The following FAM131B variants were observed in gnomAD, a reference collection of about 807,000 sequenced individuals.
The protein encoded by FAM131B is family with sequence similarity 131 member B.
FAM131B carries 19 observed loss-of-function variants against 42.0 expected under a neutral mutation model. The ratio of observed to expected loss-of-function variants is 0.45; its 90% CI spans 0.32 to 0.66. The LOEUF is 0.66. Among genes scored for constraint, FAM131B ranks in the 30% least tolerant of loss-of-function variants. FAM131B has a pLI of 0.05. For synonymous variants in FAM131B, 183 were observed against 177.6 expected, an observed-to-expected ratio of 1.03 and a Z score of -0.24; for missense variants, 370 against 468.4, an observed-to-expected ratio of 0.79 and a Z score of 1.94.
chr7:143,354,319 G>A lies in FAM131B; in HGVS notation c.*2231C>T, dbSNP rs1482793829. ...GGAAAGGGAAGGAGGAACGAAAGCT[G>A]CTGTGGTCTACCTTTCCTAACTCCC... On this transcript the variant is annotated 3_prime_UTR_variant, in exon 7 of 7. Coordinates refer to ENST00000443739, the MANE Select transcript of FAM131B (RefSeq NM_001031690.3). The A allele has an allele frequency of 6.6e-6, 1 of 152,256 alleles. No individual in the cohort carries two copies. Among genetic ancestry groups the A allele is most frequent in the Non-Finnish European group, 1.5e-5 (1 of 68,074 alleles). The allele number at this position is 152,256 out of a possible 1,614,324, so 9.4% of individuals were successfully genotyped here. A position where few individuals can be genotyped will look rare whatever the true frequency, so the allele number is the denominator to read the frequency against.
rs1426287113 is a variant in FAM131B, at chr7:143,353,891, C to T, written c.*2659G>A. ...CACCCCCCCTCCAAAAAAAGAAAAT[C>T]ATTTAGCAAGAGCAGTTTCATTCAC... On this transcript the variant is annotated 3_prime_UTR_variant, in exon 7 of 7. Coordinates refer to ENST00000443739, the MANE Select transcript of FAM131B (RefSeq NM_001031690.3). 1 of 148,390 alleles carries T rather than the reference C, an allele frequency of 6.7e-6. No individual in the cohort carries two copies. Among genetic ancestry groups the T allele is most frequent in the Non-Finnish European group, 1.5e-5 (1 of 67,170 alleles). The allele number at this position is 148,390 out of a possible 1,614,324, so 9.2% of individuals were successfully genotyped here.
At chr7:143,370,991 A>G in the FAM131B span, among the ~76,000 whole-genome samples, 2 of 152,142 alleles carry the variant, frequency 1.3e-5, no homozygotes, top group African/African-American at 4.8e-5. Context: ...TGAGGGACTC[A>G]TGGTTACTCC....
At position 143,356,192 on chromosome 7, in the gene FAM131B, G is replaced by A. The variant is rs933788313; in HGVS notation, c.*358C>T. 9.7e-5 allele frequency: 24 copies of A among 247,746 alleles called. No individual in the cohort carries two copies. Among genetic ancestry groups the A allele is most frequent in the East Asian group, 2.5e-4 (3 of 12,172 alleles). The allele number at this position is 247,746 out of a possible 1,614,324, so 15.3% of individuals were successfully genotyped here. ...AGCTCCTGGAAGACGAAATCGGGGC[G>A]TGAAGAACTGAGATCCAGTCTTGAG... is the stretch of plus-strand genomic sequence containing the variant. On this transcript the variant is annotated 3_prime_UTR_variant, in exon 7 of 7. Transcript: ENST00000443739. This position sits in a 1 kb window ranked among gnomAD's most constrained non-coding sequence, Gnocchi z 4.4.
chr7:143,382,137 T>C, the FAM131B span: 2 of 946,274 alleles, frequency 2.1e-6, no homozygotes, highest in African/African-American at 3.3e-5. Flanking sequence ...CCCCACACGC[T>C]CTGGGACCCC....
chr7:143,367,063 G>A (rs1804196847), upstream of FAM131B, among the ~76,000 whole-genome samples: 1 of 152,144 alleles, frequency 6.6e-6, no homozygotes, highest in Non-Finnish European at 1.5e-5. Context: ...CATAGAATCT[G>A]TCCTAGTGGT....
chr7:143,381,689 C>T, the FAM131B span: 2 of 1,608,348 alleles, frequency 1.2e-6, no homozygotes, highest in South Asian at 1.1e-5. Flanking sequence ...GAATCCCTTC[C>T]GGCCCGGGGA....
the FAM131B span, among the ~76,000 whole-genome samples, chr7:143,379,435 G>C: frequency 1.3e-5 from 2 of 152,214 alleles, no homozygotes; most frequent in African/African-American, 4.8e-5. Context: ...AATACTGGTG[G>C]TGACAAAGAC....
chr7:143,358,677 T>G lies in FAM131B; in HGVS notation c.466+150A>C, dbSNP rs1563095940. On this transcript the variant is annotated intron_variant, in intron 5 of 6. Transcript: ENST00000443739. The surrounding 1 kb of genome is among the most constrained non-coding windows in gnomAD (Gnocchi z 4.7). Reference sequence around the variant, plus strand: ...TATGTTTGAGGGCACTTATTTGAATTACCACATCAAAATACTTAGAGCTGT... The same window carrying G: ...TATGTTTGAGGGCACTTATTTGAATGACCACATCAAAATACTTAGAGCTGT... 1 of 628,468 alleles carries G rather than the reference T, an allele frequency of 1.6e-6. No individual in the cohort carries two copies. Among genetic ancestry groups the G allele is most frequent in the Non-Finnish European group, 2.8e-6 (1 of 356,286 alleles). 38.9% of individuals were successfully genotyped at this position (628,468 alleles called of 1,614,324 possible).
At position 143,358,392 on chromosome 7, in the gene FAM131B, A is replaced by G. The variant is rs1485568213; in HGVS notation, c.466+435T>C. ...TCTGTAGGCCTCCCGTCTCTCACACAGTTCCCTTAATCTTCTAGTGGTTGT... is the reference window on the plus strand; with the variant it reads ...TCTGTAGGCCTCCCGTCTCTCACACGGTTCCCTTAATCTTCTAGTGGTTGT... On this transcript the variant is annotated intron_variant, in intron 5 of 6. Coordinates refer to ENST00000443739, the MANE Select transcript of FAM131B (RefSeq NM_001031690.3). This position sits in a 1 kb window ranked among gnomAD's most constrained non-coding sequence, Gnocchi z 4.7. Among the ~76,000 whole-genome samples, 1 of 152,194 alleles carries G rather than the reference A, an allele frequency of 6.6e-6. No individual in the cohort carries two copies. The highest frequency in any genetic ancestry group is 1.9e-4 in the East Asian group (1 of 5,192).
At chr7:143,380,778 C>T in the FAM131B span, 5 of 985,208 alleles carry the variant, frequency 5.1e-6, no homozygotes, top group African/African-American at 5.2e-5. The surrounding 1 kb of genome is among the most constrained non-coding windows in gnomAD (Gnocchi z 5.0). Context: ...CTCCTCACCC[C>T]CCATCCCCGT....
chr7:143,359,954 C>A lies in FAM131B; in HGVS notation c.138+86G>T. 9.3e-7 allele frequency: 1 copy of A among 1,079,338 alleles called. No individual in the cohort carries two copies. Among genetic ancestry groups the A allele is most frequent in the South Asian group, 1.3e-5 (1 of 75,642 alleles). The allele number at this position is 1,079,338 out of a possible 1,614,324, so 66.9% of individuals were successfully genotyped here. A position where few individuals can be genotyped will look rare whatever the true frequency, so the allele number is the denominator to read the frequency against. On this transcript the variant is annotated intron_variant, in intron 2 of 6. Transcript: ENST00000443739. This position sits in a 1 kb window ranked among gnomAD's most constrained non-coding sequence, Gnocchi z 5.4. ...TGTGAGAAATGTTCTGTAGAAGTGT[C>A]AGTCTGAAGGAGTGTTTGGGTTGTT... is the stretch of plus-strand genomic sequence containing the variant.
chr7:143,359,375 T>G lies in FAM131B; in HGVS notation c.219A>C (p.Arg73=), dbSNP rs1198582376. 21 of 1,613,916 alleles carry G rather than the reference T, an allele frequency of 1.3e-5. No individual in the cohort carries two copies. The highest frequency in any genetic ancestry group is 1.8e-5 in the Non-Finnish European group (21 of 1,179,992). The change falls in exon 4 of 7, where the codon CGA becomes CGC. Residue 73 remains arginine (R), a synonymous_variant. Coordinates refer to ENST00000443739, the MANE Select transcript of FAM131B (RefSeq NM_001031690.3). The surrounding 1 kb of genome is among the most constrained non-coding windows in gnomAD (Gnocchi z 5.4). ...CCCCAATGCCATAGGCGTTAGAGTT[T>G]CGCTTAAGCTTCGGAAGAATGGAAG... is the stretch of plus-strand genomic sequence containing the variant. ...DTTSILPKLK[R]NSNAYGIGAL...
In FAM131B at chr7:143,362,016, G is replaced by A. The variant is rs983312454; in HGVS notation, c.28+560C>T. The A allele has an allele frequency of 1.8e-4, 161 of 900,566 alleles. No homozygotes were observed. The highest frequency in any genetic ancestry group is 2.0e-4 in the Non-Finnish European group (154 of 752,592). The allele number at this position is 900,566 out of a possible 1,614,324, so 55.8% of individuals were successfully genotyped here. A position where few individuals can be genotyped will look rare whatever the true frequency, so the allele number is the denominator to read the frequency against. On this transcript the variant is annotated intron_variant, in intron 1 of 6. Transcript: ENST00000443739. The surrounding 1 kb of genome is among the most constrained non-coding windows in gnomAD (Gnocchi z 7.7). ...CCCCCGCCCCAGAGGGAAAACGCACGTGAACAAAGCGAATCGGAGGAGGCA... is the reference window on the plus strand; with the variant it reads ...CCCCCGCCCCAGAGGGAAAACGCACATGAACAAAGCGAATCGGAGGAGGCA...
chr7:143,360,496 A>G, intron 1 of FAM131B: 1 of 894,810 alleles, frequency 1.1e-6, no homozygotes, highest in Non-Finnish European at 1.4e-6. Flanking sequence ...TTACAAGTCT[A>G]CAGATAAGGG....
chr7:143,369,264 G>A, the FAM131B span, among the ~76,000 whole-genome samples: 1 of 152,144 alleles, frequency 6.6e-6, no homozygotes, highest in Non-Finnish European at 1.5e-5. Context: ...CTAAAGCTAT[G>A]TTACATTATT....
chr7:143,380,942 C>G, the FAM131B span: 1 of 346,664 alleles, frequency 2.9e-6, no homozygotes, highest in Non-Finnish European at 4.1e-6. The surrounding 1 kb of genome is among the most constrained non-coding windows in gnomAD (Gnocchi z 5.0). Context: ...GTGGCTACCT[C>G]GGCGGCACCC....
chr7:143,375,173 G>A, the FAM131B span, among the ~76,000 whole-genome samples: 1 of 152,120 alleles, frequency 6.6e-6, no homozygotes, highest in Non-Finnish European at 1.5e-5. Flanking sequence ...CCAAATACAG[G>A]GCCTGCCTTG....
Position 143,358,380 on chromosome 7 carries a change from C to T in FAM131B, c.466+447G>A, listed in dbSNP as rs898854823. ...AACTAAACCTCTTCTGTAGGCCTCC[C>T]GTCTCTCACACAGTTCCCTTAATCT... is the stretch of plus-strand genomic sequence containing the variant. On this transcript the variant is annotated intron_variant, in intron 5 of 6. Transcript: ENST00000443739. This position sits in a 1 kb window ranked among gnomAD's most constrained non-coding sequence, Gnocchi z 4.7. 4.6e-5 allele frequency among the ~76,000 whole-genome samples: 7 copies of T among 152,192 alleles called. No individual in the cohort carries two copies. Among genetic ancestry groups the T allele is most frequent in the East Asian group, 1.9e-4 (1 of 5,198 alleles).
At chr7:143,380,069 C>G in the FAM131B span, 1 of 985,358 alleles carries the variant, frequency 1.0e-6, no homozygotes, top group South Asian at 4.7e-5. This position sits in a 1 kb window ranked among gnomAD's most constrained non-coding sequence, Gnocchi z 5.0. Context: ...GGACTGGACA[C>G]TCAGTGTGAA....
Sources: gnomAD v4.1 joint callset for allele counts (sites outside exome capture counted in the v4.1 genomes callset) on GRCh38, gnomAD v4.1.1 for gene constraint, Gnocchi (gnomAD v3.1) non-coding constraint, MANE v1.5 for transcripts, NCBI Gene and HGNC (gene_info 2026-07-23, HGNC 2026-07-21) for gene names.